The following ZNF148 variants were observed in gnomAD, a reference collection of about 807,000 sequenced individuals.
ZNF148 encodes the protein Beta-Enolase Repressor Factor-1.
Under a neutral mutation model 67.7 loss-of-function variants are expected in ZNF148, and 7 were observed. That is an observed-to-expected ratio of 0.10 (90% CI 0.06 to 0.19). ZNF148 has a LOEUF of 0.19. Ranked by LOEUF, ZNF148 falls within the 10% of genes least tolerant of loss-of-function variation. The pLI is 1.00. For missense variants in ZNF148, 583 were observed against 947.1 expected (o/e 0.62, Z 5.05); for synonymous variants, 333 against 330.7 (o/e 1.01, Z -0.08).
chr3:125,235,441 C>G (rs1424932827), intron 7 of ZNF148, among the ~76,000 whole-genome samples: 5 of 152,140 alleles, frequency 3.3e-5, no homozygotes, highest in Non-Finnish European at 7.3e-5. Flanking sequence ...TCACGCTGCT[C>G]CTTCGATTGG....
intron 1 of ZNF148, among the ~76,000 whole-genome samples, chr3:125,374,669 C>A (rs1302961206): frequency 6.6e-6 from 1 of 152,056 alleles, no homozygotes; most frequent in Non-Finnish European, 1.5e-5. Flanking sequence ...AGAGCACACT[C>A]CGGCAGCAAC....
chr3:125,319,041 G>A (rs551121868), intron 3 of ZNF148, among the ~76,000 whole-genome samples: 2 of 151,764 alleles, frequency 1.3e-5, no homozygotes, highest in Admixed American at 1.3e-4. Flanking sequence ...CTATTGACAC[G>A]TGTTTAGTTC....
At chr3:125,245,304 TAG>T (rs1024740778) in intron 7 of ZNF148, among the ~76,000 whole-genome samples, 1 of 152,178 alleles carries the variant, frequency 6.6e-6, no homozygotes, top group African/African-American at 2.4e-5. Flanking sequence ...GTTCTCCTGA[TAG>T]TGAGTTCTCA....
At chr3:125,332,885 G>A (rs1436484613) in intron 1 of ZNF148, among the ~76,000 whole-genome samples, 1 of 152,050 alleles carries the variant, frequency 6.6e-6, no homozygotes, top group Non-Finnish European at 1.5e-5. Flanking sequence ...TATTCTATTA[G>A]AATATTATAT....
At chr3:125,247,541 G>A (rs1428495800) in intron 7 of ZNF148, among the ~76,000 whole-genome samples, 1 of 152,040 alleles carries the variant, frequency 6.6e-6, no homozygotes, top group Non-Finnish European at 1.5e-5. Flanking sequence ...AGGTTCAAGC[G>A]ATTCTCATGC....
chr3:125,369,980 C>G (rs577758611), intron 1 of ZNF148, among the ~76,000 whole-genome samples: 61 of 146,316 alleles, frequency 4.2e-4, no homozygotes, highest in Non-Finnish European at 8.3e-4. Flanking sequence ...AAGACCCCGT[C>G]TCAAAAAAAA....
chr3:125,305,147 T>C (rs1939805913), intron 4 of ZNF148, among the ~76,000 whole-genome samples: 1 of 152,212 alleles, frequency 6.6e-6, no homozygotes, highest in Non-Finnish European at 1.5e-5. Flanking sequence ...AAGGTATCAA[T>C]TGATCAAAGT....
intron 7 of ZNF148, among the ~76,000 whole-genome samples, chr3:125,274,925 TAAAG>T (rs1348333017): frequency 6.6e-6 from 1 of 152,106 alleles, no homozygotes. Context: ...GGCCTACAAA[TAAAG>T]AAAGCCTTCA....
At chr3:125,285,673 T>C (rs958579291) in intron 5 of ZNF148, among the ~76,000 whole-genome samples, 2 of 151,998 alleles carry the variant, frequency 1.3e-5, no homozygotes, top group African/African-American at 4.8e-5. Context: ...GGATTACAAG[T>C]GTGAGCCACT....
intron 4 of ZNF148, among the ~76,000 whole-genome samples, chr3:125,295,238 G>A (rs557012262): frequency 6.6e-6 from 1 of 152,060 alleles, no homozygotes; most frequent in Admixed American, 6.5e-5. Context: ...GGTGGATCAC[G>A]AGGTCAGAAA....
At chr3:125,277,649 C>T (rs912012264) in intron 7 of ZNF148, 77 bp downstream of exon 7, 14 of 1,257,454 alleles carry the variant, frequency 1.1e-5, no homozygotes, top group Middle Eastern at 1.9e-4. Flanking sequence ...CAGCAAGTCA[C>T]TGCCACTTAT....
intron 1 of ZNF148, among the ~76,000 whole-genome samples, chr3:125,352,134 A>C (rs1942175067): frequency 1.3e-5 from 2 of 152,162 alleles, no homozygotes; most frequent in Non-Finnish European, 2.9e-5. Flanking sequence ...CCAAAAAAAA[A>C]AAAACAAAGT....
At chr3:125,279,340 GTCACCACAGATTATGAAATATTTTGTTC>G in intron 5 of ZNF148, 93 bp from the exon 6 acceptor site, 1 of 985,618 alleles carries the variant, frequency 1.0e-6, no homozygotes, top group Non-Finnish European at 1.4e-6. Flanking sequence ...GCAAACAACG[GTCACCACAGATTATGAAATATTTTGTTC>G]TTAAATGATC....
chr3:125,232,771 G>A lies in ZNF148; in HGVS notation c.1955C>T (p.Ala652Val). The change falls in exon 9 of 9, where the codon GCC becomes GTC. Residue 652 changes from alanine to valine, a missense_variant. Ala to Val is a moderately conservative substitution (Grantham distance 64). Transcript: ENST00000360647. The surrounding 1 kb of genome is among the most constrained non-coding windows in gnomAD (Gnocchi z 4.2). ...AFSSIDKQVY[A>V]TMPINSFRSG... ...TCGAAAGCTATTGATGGGCATGGTGGCATAGACCTGCTTGTCTATGGAAGA... is the reference window on the plus strand; with the variant it reads ...TCGAAAGCTATTGATGGGCATGGTGACATAGACCTGCTTGTCTATGGAAGA... 2 of 1,613,918 alleles carry A rather than the reference G, an allele frequency of 1.2e-6. No individual in the cohort carries two copies. The highest frequency in any genetic ancestry group is 8.5e-7 in the Non-Finnish European group (1 of 1,179,830).
chr3:125,374,628 T>C (rs1943000301), intron 1 of ZNF148, among the ~76,000 whole-genome samples: 1 of 151,970 alleles, frequency 6.6e-6, no homozygotes. Flanking sequence ...GCATTCCCTT[T>C]TCTCCAACCC....
chr3:125,320,720 C>T (rs1266639557), intron 3 of ZNF148, among the ~76,000 whole-genome samples: 1 of 152,164 alleles, frequency 6.6e-6, no homozygotes, highest in Non-Finnish European at 1.5e-5. Flanking sequence ...TAAAATGAAA[C>T]TTCACTTGTA....
At chr3:125,317,662 T>G (rs57684447) in intron 3 of ZNF148, among the ~76,000 whole-genome samples, 32,574 of 90,006 alleles carry the variant, frequency 0.36, 5,832 homozygotes, top group Middle Eastern at 0.44. Context: ...TATATATATA[T>G]AGAGAGAGAG....
At chr3:125,236,854 A>T (rs1428090004) in intron 7 of ZNF148, among the ~76,000 whole-genome samples, 2 of 152,218 alleles carry the variant, frequency 1.3e-5, no homozygotes, top group African/African-American at 4.8e-5. Context: ...GGTTCCAAAG[A>T]TTCAGACTAG....
At chr3:125,273,268 T>G (rs894771484) in intron 7 of ZNF148, among the ~76,000 whole-genome samples, 5 of 152,152 alleles carry the variant, frequency 3.3e-5, no homozygotes, top group African/African-American at 1.2e-4. Flanking sequence ...AATACAGTTG[T>G]GAATAAAAGT....
Sources: gnomAD v4.1 joint callset for allele counts (sites outside exome capture counted in the v4.1 genomes callset) on GRCh38, gnomAD v4.1.1 for gene constraint, Gnocchi (gnomAD v3.1) non-coding constraint, MANE v1.5 for transcripts, NCBI Gene and HGNC (gene_info 2026-07-23, HGNC 2026-07-21) for gene names.